AGBL4: variants seen among roughly 807,000 people sequenced by gnomAD.
AGBL4 encodes AGBL carboxypeptidase 4.
Under a neutral mutation model 66.4 loss-of-function variants are expected in AGBL4, and 58 were observed. The observed-to-expected ratio is 0.87, with a 90% confidence interval of 0.71 to 1.09. The LOEUF is 1.09. AGBL4 is among the 50% of genes least tolerant of loss of function. The pLI is 0.00. For missense variants in AGBL4, 579 were observed against 631.0 expected, an observed-to-expected ratio of 0.92 and a Z score of 0.88; for synonymous variants, 234 against 222.9, an observed-to-expected ratio of 1.05 and a Z score of -0.44.
At chr1:48,690,860 A>C (rs1646618619) in intron 6 of AGBL4, among the ~76,000 whole-genome samples, 1 of 152,122 alleles carries the variant, frequency 6.6e-6, no homozygotes, top group African/African-American at 2.4e-5. Flanking sequence ...AAACAAGTGA[A>C]GTTAACTTTA....
chr1:49,524,374 C>A (rs1650496259), intron 3 of AGBL4, among the ~76,000 whole-genome samples: 1 of 152,076 alleles, frequency 6.6e-6, no homozygotes, highest in Non-Finnish European at 1.5e-5. Flanking sequence ...GAGTCTGGAT[C>A]TGAACAAAAG....
intron 5 of AGBL4, among the ~76,000 whole-genome samples, chr1:48,969,210 G>A (rs976696984): frequency 2.0e-5 from 3 of 151,440 alleles, no homozygotes; most frequent in Admixed American, 6.6e-5. Flanking sequence ...CCTAATTCAC[G>A]TTGGCTAATA....
At position 48,741,835 on chromosome 1, in the gene AGBL4, C is replaced by T. The variant is rs575522415; in HGVS notation, c.635-78594G>A. On this transcript the variant is annotated intron_variant, in intron 6 of 13. Transcript: ENST00000371839. Reference sequence around the variant, plus strand: ...CATGCCACAGTGGCAGAGAACATAACGCTAAAGCTGAATTTCACCAGTGCC... The same window carrying T: ...CATGCCACAGTGGCAGAGAACATAATGCTAAAGCTGAATTTCACCAGTGCC... Among the ~76,000 whole-genome samples, 96 of 152,290 alleles carry T rather than the reference C, an allele frequency of 6.3e-4. No individual in the cohort carries two copies. In the South Asian group the frequency reaches 7.5e-3, roughly 12 times the overall value.
intron 3 of AGBL4, among the ~76,000 whole-genome samples, chr1:49,343,704 T>C (rs1557856259): frequency 6.6e-6 from 1 of 152,176 alleles, no homozygotes; most frequent in Non-Finnish European, 1.5e-5. Flanking sequence ...AAGAAAAACT[T>C]AAAAACTGGA....
chr1:49,906,637 T>C (rs1485068149), intron 1 of AGBL4, among the ~76,000 whole-genome samples: 1 of 151,704 alleles, frequency 6.6e-6, no homozygotes, highest in African/African-American at 2.4e-5. Flanking sequence ...TGTCAAGATA[T>C]ACTAACAATT....
intron 3 of AGBL4, among the ~76,000 whole-genome samples, chr1:49,637,782 A>G (rs79674944): frequency 0.053 from 8,097 of 152,226 alleles, 241 homozygotes; most frequent in African/African-American, 0.071. Flanking sequence ...TGTAGACTTG[A>G]CTACATAAAA....
intron 5 of AGBL4, among the ~76,000 whole-genome samples, chr1:48,935,458 T>C (rs1413264411): frequency 6.6e-6 from 1 of 152,146 alleles, no homozygotes; most frequent in Non-Finnish European, 1.5e-5. Flanking sequence ...CTGCTCGTTA[T>C]TGGCAAGGGG....
At chr1:49,743,780 A>G (rs1172626291) in intron 2 of AGBL4, among the ~76,000 whole-genome samples, 1 of 151,886 alleles carries the variant, frequency 6.6e-6, no homozygotes, top group African/African-American at 2.4e-5. Flanking sequence ...GGAAACCATC[A>G]TTCTCAGCGA....
At chr1:48,755,551 C>T (rs1010262716) in intron 6 of AGBL4, among the ~76,000 whole-genome samples, 3 of 152,218 alleles carry the variant, frequency 2.0e-5, no homozygotes, top group African/African-American at 7.2e-5. Flanking sequence ...GGCCCTACAT[C>T]AACCCTAACC....
rs376374517 is a variant in AGBL4, at chr1:49,395,929, G to A, written c.283-150065C>T. 3.4e-4 allele frequency among the ~76,000 whole-genome samples: 50 copies of A among 148,334 alleles called. 1 individual carries two copies. The South Asian group carries it at 0.01, about 30-fold the overall frequency. On this transcript the variant is annotated intron_variant, in intron 3 of 13. Coordinates refer to ENST00000371839, the MANE Select transcript of AGBL4 (RefSeq NM_032785.4). Reference sequence around the variant, plus strand: ...CCCAAGCATAATCTCATAAAACAGAGCATCCCCTTACCCTCTCAACTGGAA... The same window carrying A: ...CCCAAGCATAATCTCATAAAACAGAACATCCCCTTACCCTCTCAACTGGAA...
intron 4 of AGBL4, among the ~76,000 whole-genome samples, chr1:49,102,894 A>G (rs1645229313): frequency 6.6e-6 from 1 of 152,096 alleles, no homozygotes; most frequent in Non-Finnish European, 1.5e-5. Context: ...CAAACCCACC[A>G]CTAAGATGCT....
intron 2 of AGBL4, among the ~76,000 whole-genome samples, chr1:49,743,410 C>T (rs1650707189): frequency 6.6e-6 from 1 of 152,158 alleles, no homozygotes; most frequent in Non-Finnish European, 1.5e-5. Context: ...ACAACAGGTG[C>T]TGGAGAGGAT....
intron 6 of AGBL4, among the ~76,000 whole-genome samples, chr1:48,826,624 G>A (rs541856510): frequency 1.3e-5 from 2 of 152,306 alleles, no homozygotes; most frequent in Non-Finnish European, 2.9e-5. Flanking sequence ...AGAGGAGGCT[G>A]GAAAGTTAGA....
intron 3 of AGBL4, among the ~76,000 whole-genome samples, chr1:49,658,171 A>T (rs1212260390): frequency 6.6e-6 from 1 of 152,204 alleles, no homozygotes; most frequent in African/African-American, 2.4e-5. Context: ...GAAAAAAACA[A>T]ACAACCCCAT....
chr1:49,231,474 C>T (rs1167013882), intron 4 of AGBL4, among the ~76,000 whole-genome samples: 1 of 152,144 alleles, frequency 6.6e-6, no homozygotes, highest in East Asian at 1.9e-4. Flanking sequence ...GCACAACTGC[C>T]TAGTTAGCAG....
chr1:49,097,263 A>G (rs1207414129), intron 4 of AGBL4, among the ~76,000 whole-genome samples: 2 of 152,228 alleles, frequency 1.3e-5, no homozygotes, highest in Non-Finnish European at 2.9e-5. Flanking sequence ...GAGAGTTCCA[A>G]AATTCCACCA....
At chr1:49,617,245 CCT>C (rs1416441313) in intron 3 of AGBL4, among the ~76,000 whole-genome samples, 3 of 152,122 alleles carry the variant, frequency 2.0e-5, no homozygotes, top group African/African-American at 7.2e-5. Context: ...GACTTTTGCC[CCT>C]GTGTCTTCTG....
chr1:48,628,065 T>G (rs1315236957), intron 9 of AGBL4, among the ~76,000 whole-genome samples: 1 of 152,208 alleles, frequency 6.6e-6, no homozygotes, highest in Non-Finnish European at 1.5e-5. Flanking sequence ...CATCAGTGCA[T>G]TCATCATTCA....
intron 3 of AGBL4, among the ~76,000 whole-genome samples, chr1:49,470,205 T>C (rs1268904917): frequency 2.0e-5 from 3 of 151,986 alleles, no homozygotes; most frequent in African/African-American, 7.2e-5. Context: ...TCAGGAAATT[T>C]TGTCTTAGAT....
Sources: gnomAD v4.1 joint callset for allele counts (sites outside exome capture counted in the v4.1 genomes callset) on GRCh38, gnomAD v4.1.1 for gene constraint, MANE v1.5 for transcripts, NCBI Gene and HGNC (gene_info 2026-07-23, HGNC 2026-07-21) for gene names.